Variants in NAALADL2 observed in about 807,000 individuals in gnomAD.
The protein encoded by NAALADL2 is inactive N-acetylated-alpha-linked acidic dipeptidase-like protein 2.
NAALADL2 carries 76 observed loss-of-function variants against 87.2 expected under a neutral mutation model. That is an observed-to-expected ratio of 0.87 (90% CI 0.72 to 1.05). The LOEUF (loss-of-function observed/expected upper bound fraction) is 1.05, where lower values mean the gene tolerates loss of function less well. Among genes scored for constraint, NAALADL2 ranks in the 50% least tolerant of loss-of-function variants. NAALADL2 has a pLI of 0.00. For synonymous variants in NAALADL2, 354 were observed against 331.0 expected (o/e 1.07, Z -0.75); for missense variants, 1,089 against 945.8 (o/e 1.15, Z -1.99).
intron 1 of NAALADL2, among the ~76,000 whole-genome samples, chr3:174,875,078 A>G (rs1057332365): frequency 3.0e-5 from 4 of 133,948 alleles, no homozygotes; most frequent in Non-Finnish European, 1.5e-5. Context: ...GCAGCACTGC[A>G]CTCCAGCCTG....
chr3:175,504,461 A>G (rs1729983781), intron 9 of NAALADL2, among the ~76,000 whole-genome samples: 1 of 152,168 alleles, frequency 6.6e-6, no homozygotes, highest in East Asian at 1.9e-4. Flanking sequence ...ATAGGAGGCC[A>G]TTAAAATGAA....
chr3:174,730,840 C>A (rs1270980763), intron 2 of NAALADL2, among the ~76,000 whole-genome samples: 2 of 151,960 alleles, frequency 1.3e-5, no homozygotes, highest in African/African-American at 4.8e-5. Context: ...CAATAACTCT[C>A]CATTATTTTT....
At chr3:175,678,866 T>C (rs1735205775) in intron 11 of NAALADL2, among the ~76,000 whole-genome samples, 1 of 152,170 alleles carries the variant, frequency 6.6e-6, no homozygotes, top group Non-Finnish European at 1.5e-5. Context: ...CTTGCATCCA[T>C]GTGAAGAGAC....
chr3:174,716,988 A>T (rs1297158045), intron 2 of NAALADL2, among the ~76,000 whole-genome samples: 1 of 152,144 alleles, frequency 6.6e-6, no homozygotes, highest in Non-Finnish European at 1.5e-5. Context: ...AAAATTTTAG[A>T]ATTGTTTTTT....
intron 13 of NAALADL2, among the ~76,000 whole-genome samples, chr3:175,787,647 T>C (rs983304730): frequency 2.0e-5 from 3 of 151,994 alleles, no homozygotes; most frequent in African/African-American, 7.3e-5. Flanking sequence ...GTACCTCAGA[T>C]GGAAATGCAG....
chr3:174,475,862 A>C lies in NAALADL2; in HGVS notation c.-184+34830A>C, dbSNP rs559591710. 1.6e-3 allele frequency among the ~76,000 whole-genome samples: 241 copies of C among 152,104 alleles called. 1 individual carries two copies. Among genetic ancestry groups the C allele is most frequent in the Non-Finnish European group, 2.4e-3 (160 of 67,906 alleles). On this transcript the variant is annotated intron_variant, in intron 1 of 3. Coordinates refer to the NAALADL2 transcript ENST00000434257. ...GGTAGTTGTGGGGATATTAAGAAAA[A>C]AAATGAAATTCTGTCATTAAGGAAT...
intron 2 of NAALADL2, among the ~76,000 whole-genome samples, chr3:174,707,269 A>T (rs1488088192): frequency 3.8e-5 from 1 of 26,332 alleles, no homozygotes; most frequent in Non-Finnish European, 6.9e-5. Flanking sequence ...TAGAAATACC[A>T]TTTGACCCAC....
intron 3 of NAALADL2, among the ~76,000 whole-genome samples, chr3:174,840,736 C>T (rs1723935165): frequency 6.6e-6 from 1 of 152,102 alleles, no homozygotes; most frequent in Non-Finnish European, 1.5e-5. Flanking sequence ...TCTCTTTCTT[C>T]ATTTGTTCTC....
intron 2 of NAALADL2, among the ~76,000 whole-genome samples, chr3:174,582,293 A>G (rs1291326092): frequency 6.6e-6 from 1 of 152,232 alleles, no homozygotes; most frequent in Non-Finnish European, 1.5e-5. Flanking sequence ...GTTGAAATCA[A>G]TAGCATGAAT....
chr3:175,604,515 A>C (rs1723418137), intron 10 of NAALADL2, among the ~76,000 whole-genome samples: 1 of 151,978 alleles, frequency 6.6e-6, no homozygotes. Context: ...CGTGTTAGCC[A>C]GGATGGTCTT....
In NAALADL2 at chr3:174,977,944, A is replaced by C. The variant is rs973584809; in HGVS notation, c.43+118494A>C. On this transcript the variant is annotated intron_variant, in intron 1 of 13. Coordinates refer to ENST00000454872, the MANE Select transcript of NAALADL2 (RefSeq NM_207015.3). The stretch of plus-strand genomic sequence containing the variant: ...ATAATCTTTTTATAATATATGTTCA[A>C]AATGTTAGATTTCTAAAAATATTGA... Among the ~76,000 whole-genome samples the C allele has an allele frequency of 2.0e-5, 3 of 152,340 alleles. No individual in the cohort carries two copies. The East Asian group carries it at 5.8e-4, about 29-fold the overall frequency.
intron 5 of NAALADL2, among the ~76,000 whole-genome samples, chr3:175,439,221 A>G (rs1256774185): frequency 6.6e-6 from 1 of 152,070 alleles, no homozygotes; most frequent in East Asian, 1.9e-4. Context: ...TGGTATACAC[A>G]TACCATATTT....
upstream of NAALADL2, among the ~76,000 whole-genome samples, chr3:174,856,491 G>C (rs1198967051): frequency 6.6e-6 from 1 of 152,118 alleles, no homozygotes; most frequent in Non-Finnish European, 1.5e-5. Flanking sequence ...CCCAGGATGT[G>C]AATCATCCGT....
chr3:174,928,564 A>T (rs1052116862), intron 1 of NAALADL2, among the ~76,000 whole-genome samples: 2 of 152,190 alleles, frequency 1.3e-5, no homozygotes, highest in Non-Finnish European at 2.9e-5. Context: ...GTAACAATGT[A>T]ATCATAATTA....
chr3:174,932,359 A>T (rs530271553), intron 1 of NAALADL2, among the ~76,000 whole-genome samples: 37 of 152,326 alleles, frequency 2.4e-4, no homozygotes, highest in Non-Finnish European at 3.7e-4. Context: ...CAACAACAGC[A>T]AAGAAAGCCT....
chr3:175,415,621 G>A (rs190048188), intron 5 of NAALADL2, among the ~76,000 whole-genome samples: 2 of 152,016 alleles, frequency 1.3e-5, no homozygotes, highest in East Asian at 1.9e-4. Flanking sequence ...GTAATACTCA[G>A]CCTTGAAATA....
intron 2 of NAALADL2, among the ~76,000 whole-genome samples, chr3:175,126,155 C>CT (rs1726912145): frequency 6.6e-6 from 1 of 151,882 alleles, no homozygotes; most frequent in Non-Finnish European, 1.5e-5. Flanking sequence ...AGAATAGTTT[C>CT]TGGGGGGTAG....
chr3:174,457,910 T>C (rs1302747384), intron 1 of NAALADL2, among the ~76,000 whole-genome samples: 1 of 152,028 alleles, frequency 6.6e-6, no homozygotes, highest in East Asian at 1.9e-4. Context: ...GTACCACACG[T>C]TCTCACTTAT....
chr3:174,571,062 G>A (rs899783155), intron 2 of NAALADL2, among the ~76,000 whole-genome samples: 3 of 152,142 alleles, frequency 2.0e-5, no homozygotes, highest in Non-Finnish European at 4.4e-5. Flanking sequence ...GGTTGGACCT[G>A]AGATCTTGCC....
Sources: allele counts gnomAD v4.1 joint callset (sites outside exome capture counted in the v4.1 genomes callset), GRCh38; gene constraint gnomAD v4.1.1; transcripts MANE v1.5; gene names NCBI Gene and HGNC (gene_info 2026-07-23, HGNC 2026-07-21).